The following C2CD3 variants were observed in gnomAD, a reference collection of about 807,000 sequenced individuals.
C2CD3 encodes the protein C2 domain-containing protein 3.
A neutral mutation model predicts 234.0 loss-of-function variants in C2CD3; 148 were observed. That is an observed-to-expected ratio of 0.63 (90% CI 0.55 to 0.72). C2CD3 has a LOEUF of 0.72. Ranked by LOEUF, C2CD3 falls within the 30% of genes least tolerant of loss-of-function variation. The pLI is 0.00. For synonymous variants in C2CD3, 1,000 were observed against 1,035.4 expected (o/e 0.97, Z 0.66); for missense variants, 2,577 against 2,811.5 (o/e 0.92, Z 1.89).
chr11:74,097,779 G>C (rs1056322453), intron 16 of C2CD3, among the ~76,000 whole-genome samples: 4 of 152,128 alleles, frequency 2.6e-5, no homozygotes, highest in Non-Finnish European at 5.9e-5. Flanking sequence ...TTGGTTGTTC[G>C]ATTGGATTTT....
chr11:74,060,798 T>C (rs73557990), intron 24 of C2CD3, among the ~76,000 whole-genome samples: 11,341 of 152,220 alleles, frequency 0.075, 1,376 homozygotes, highest in African/African-American at 0.26. Context: ...AGAAGAAGGC[T>C]TCAGACCATC....
At chr11:74,111,919 T>TACACACACACACAC (rs61499954) in intron 11 of C2CD3, among the ~76,000 whole-genome samples, 2 of 125,202 alleles carry the variant, frequency 1.6e-5, no homozygotes, top group South Asian at 2.8e-4. Context: ...TATTTGCTGA[T>TACACACACACACAC]ACACACACAC....
intron 32 of C2CD3, chr11:74,016,851 T>A (rs1232036334): frequency 6.6e-6 from 1 of 152,476 alleles, no homozygotes; most frequent in South Asian, 2.1e-4. Context: ...GTGGGAGGCA[T>A]CAACCTTCCT....
intron 24 of C2CD3, among the ~76,000 whole-genome samples, chr11:74,064,540 A>C (rs151050391): frequency 0.016 from 2,501 of 152,336 alleles, 46 homozygotes; most frequent in Middle Eastern, 0.027. Context: ...CAAGCTACCA[A>C]TGACTTTCTT....
chr11:74,085,078 T>C, intron 21 of C2CD3, 108 bp from the exon 22 acceptor site: 1 of 613,104 alleles, frequency 1.6e-6, no homozygotes. Context: ...AATCTTAGTT[T>C]TGTAAAATGC....
Position 74,103,173 on chromosome 11 carries a change from G to A in C2CD3, c.2538C>T (p.Val846=). 6.2e-7 allele frequency: 1 copy of A among 1,614,034 alleles called. No homozygotes were observed. The highest frequency in any genetic ancestry group is 8.5e-7 in the Non-Finnish European group (1 of 1,179,882). The change falls in exon 14 of 33, where the codon GTC becomes GTT. Residue 846 remains valine, a synonymous_variant. Coordinates refer to ENST00000334126, the MANE Select transcript of C2CD3 (RefSeq NM_001286577.2). ...CCGGTTGTGTTGTGCCCCATGCGAT[G>A]ACAGATCTGGTGACTTCCTCTGTGC... is the stretch of plus-strand genomic sequence containing the variant. The part of the protein sequence containing the change: ...LFSTEEVTRS[V]IAWGTTQPVF...
intron 9 of C2CD3, among the ~76,000 whole-genome samples, chr11:74,115,283 A>C (rs1363847745): frequency 6.6e-6 from 1 of 152,020 alleles, no homozygotes; most frequent in African/African-American, 2.4e-5. Flanking sequence ...ACACACATAC[A>C]TTATACAATA....
intron 29 of C2CD3, among the ~76,000 whole-genome samples, chr11:74,040,709 T>C (rs1025968291): frequency 6.6e-6 from 1 of 152,056 alleles, no homozygotes; most frequent in Admixed American, 6.5e-5. Context: ...TGAGCCGAGA[T>C]TGCGCCACTG....
intron 2 of C2CD3, among the ~76,000 whole-genome samples, chr11:74,167,763 AC>A (rs1439458873): frequency 6.6e-6 from 1 of 152,256 alleles, no homozygotes; most frequent in Non-Finnish European, 1.5e-5. Context: ...CTTTTCTTGT[AC>A]AAAAATGAAG....
chr11:74,019,491 G>C (rs977046225), intron 32 of C2CD3, among the ~76,000 whole-genome samples: 3 of 152,182 alleles, frequency 2.0e-5, no homozygotes. Context: ...AATAGGTCAG[G>C]ACCTCTTGCC....
intron 24 of C2CD3, 45 bp downstream of exon 24, chr11:74,074,208 C>T (rs1285616431): frequency 1.4e-5 from 19 of 1,333,498 alleles, no homozygotes; most frequent in Non-Finnish European, 2.1e-6. Context: ...AAGGAGCACA[C>T]CCTGAAGAGT....
intron 16 of C2CD3, among the ~76,000 whole-genome samples, chr11:74,097,042 G>A (rs753299377): frequency 8.6e-5 from 13 of 151,728 alleles, no homozygotes; most frequent in Non-Finnish European, 1.3e-4. Context: ...CCAGCTACCC[G>A]GGAGGCCAAG....
chr11:74,134,036 T>C, intron 5 of C2CD3, among the ~76,000 whole-genome samples: 1 of 152,070 alleles, frequency 6.6e-6, no homozygotes, highest in Non-Finnish European at 1.5e-5. Context: ...ATTTACCCCA[T>C]CCCTTAAGGG....
chr11:74,158,781 C>CA (rs1481702671), intron 3 of C2CD3, among the ~76,000 whole-genome samples: 3 of 150,890 alleles, frequency 2.0e-5, no homozygotes, highest in African/African-American at 7.3e-5. Context: ...TATGGAAAGG[C>CA]AAATCAAAAC....
At chr11:74,046,746 A>G (rs1953394144) in intron 28 of C2CD3, among the ~76,000 whole-genome samples, 1 of 152,146 alleles carries the variant, frequency 6.6e-6, no homozygotes, top group African/African-American at 2.4e-5. Flanking sequence ...ATTTCATTGT[A>G]TGGATATACG....
At chr11:74,106,796 A>T (rs1168699856) in intron 12 of C2CD3, among the ~76,000 whole-genome samples, 1 of 152,248 alleles carries the variant, frequency 6.6e-6, no homozygotes. Context: ...AAAAATAAAA[A>T]ATAAAATTTA....
At chr11:74,149,884 A>G (rs933106898) in intron 3 of C2CD3, among the ~76,000 whole-genome samples, 1 of 152,060 alleles carries the variant, frequency 6.6e-6, no homozygotes, top group African/African-American at 2.4e-5. Context: ...CTACTCTTAC[A>G]CTAGATAGTT....
At chr11:74,065,006 A>AG (rs1954443413) in intron 24 of C2CD3, among the ~76,000 whole-genome samples, 2 of 152,090 alleles carry the variant, frequency 1.3e-5, no homozygotes, top group Admixed American at 1.3e-4. Context: ...GCCATAGGCA[A>AG]GGACTTCATG....
intron 24 of C2CD3, among the ~76,000 whole-genome samples, chr11:74,065,039 C>T (rs1954445215): frequency 6.6e-6 from 1 of 152,164 alleles, no homozygotes; most frequent in Non-Finnish European, 1.5e-5. Context: ...AAAGCAATGG[C>T]AACAAAAGCC....
Sources: gnomAD v4.1 joint callset for allele counts (sites outside exome capture counted in the v4.1 genomes callset) on GRCh38, gnomAD v4.1.1 for gene constraint, MANE v1.5 for transcripts, NCBI Gene and HGNC (gene_info 2026-07-23, HGNC 2026-07-21) for gene names.